Variants in PRKG1 observed in about 807,000 individuals in gnomAD.
PRKG1 encodes the protein cGMP-dependent protein kinase 1.
PRKG1 carries 35 observed loss-of-function variants against 88.1 expected under a neutral mutation model. The ratio of observed to expected loss-of-function variants is 0.40; its 90% CI spans 0.30 to 0.53. The LOEUF is 0.53. Ranked by LOEUF, PRKG1 falls within the 20% of genes least tolerant of loss-of-function variation. PRKG1 has a pLI of 0.59. For missense variants in PRKG1, 540 were observed against 839.8 expected (o/e 0.64, Z 4.41); for synonymous variants, 303 against 292.5 (o/e 1.04, Z -0.37).
intron 2 of PRKG1, among the ~76,000 whole-genome samples, chr10:51,296,848 C>T (rs1043447687): frequency 1.3e-5 from 2 of 152,034 alleles, no homozygotes; most frequent in Admixed American, 6.6e-5. Context: ...AACCTAGTTA[C>T]ATTGCCGCCT....
At chr10:51,979,108 G>T (rs1843926148) in intron 5 of PRKG1, among the ~76,000 whole-genome samples, 1 of 151,974 alleles carries the variant, frequency 6.6e-6, no homozygotes, top group African/African-American at 2.4e-5. Context: ...GTCATAGATG[G>T]CTCTTATTGT....
chr10:51,157,797 A>G (rs1179347438), intron 2 of PRKG1, among the ~76,000 whole-genome samples: 1 of 151,704 alleles, frequency 6.6e-6, no homozygotes, highest in Non-Finnish European at 1.5e-5. Flanking sequence ...TTTCGATGAA[A>G]TCATCAATTT....
At chr10:51,619,660 G>T (rs533714343) in intron 3 of PRKG1, among the ~76,000 whole-genome samples, 2 of 152,234 alleles carry the variant, frequency 1.3e-5, no homozygotes, top group East Asian at 3.9e-4. Flanking sequence ...TCCCAGACAG[G>T]ACAGCTAAAC....
chr10:51,034,949 T>C (rs932320875), intron 1 of PRKG1, among the ~76,000 whole-genome samples: 1 of 151,974 alleles, frequency 6.6e-6, no homozygotes, highest in Non-Finnish European at 1.5e-5. Flanking sequence ...CTGAGAACAT[T>C]AACCTTGCCC....
chr10:51,058,129 G>T (rs1843653467), intron 1 of PRKG1, among the ~76,000 whole-genome samples: 1 of 151,946 alleles, frequency 6.6e-6, no homozygotes, highest in South Asian at 2.1e-4. Context: ...ATGTTTCTTG[G>T]TTATTTGGAT....
intron 2 of PRKG1, among the ~76,000 whole-genome samples, chr10:51,383,984 C>T (rs1837185194): frequency 6.6e-6 from 1 of 151,948 alleles, no homozygotes; most frequent in Admixed American, 6.6e-5. Context: ...GGTAAGAGAG[C>T]AATGGCTTGT....
chr10:51,672,950 C>T (rs971289862), intron 3 of PRKG1, among the ~76,000 whole-genome samples: 2 of 152,116 alleles, frequency 1.3e-5, no homozygotes, highest in Admixed American at 6.5e-5. Context: ...ATGATTTGTT[C>T]AAGGATCTCA....
At chr10:51,655,560 G>A (rs577935316) in intron 3 of PRKG1, among the ~76,000 whole-genome samples, 1 of 151,830 alleles carries the variant, frequency 6.6e-6, no homozygotes, top group Admixed American at 6.6e-5. Context: ...TTCTACAGAC[G>A]ATAAAATTCT....
At chr10:51,329,916 T>G (rs1841687600) in intron 2 of PRKG1, among the ~76,000 whole-genome samples, 1 of 149,512 alleles carries the variant, frequency 6.7e-6, no homozygotes, top group Non-Finnish European at 1.5e-5. Flanking sequence ...GATTGTACTA[T>G]GTCTTAGGGA....
chr10:51,763,171 T>C (rs942010326), intron 3 of PRKG1, among the ~76,000 whole-genome samples: 4 of 152,186 alleles, frequency 2.6e-5, no homozygotes, highest in Admixed American at 2.0e-4. Flanking sequence ...AATAGAATCT[T>C]CTATATTGTC....
chr10:51,470,311 C>G (rs1840015805), intron 3 of PRKG1, among the ~76,000 whole-genome samples: 1 of 151,722 alleles, frequency 6.6e-6, no homozygotes, highest in African/African-American at 2.4e-5. Flanking sequence ...GAGTATTGAC[C>G]ATTTTGAGTA....
intron 9 of PRKG1, among the ~76,000 whole-genome samples, chr10:52,213,015 A>G (rs1589704425): frequency 6.6e-6 from 1 of 152,266 alleles, no homozygotes; most frequent in Admixed American, 6.5e-5. Flanking sequence ...CACTGCGTAC[A>G]TGAATGTTTA....
chr10:51,503,031 A>G (rs546167089), intron 3 of PRKG1, among the ~76,000 whole-genome samples: 1 of 152,110 alleles, frequency 6.6e-6, no homozygotes, highest in South Asian at 2.1e-4. Context: ...TTAAATTTTA[A>G]TCTCAATTTC....
intron 3 of PRKG1, among the ~76,000 whole-genome samples, chr10:51,566,780 G>T (rs1304247132): frequency 6.6e-6 from 1 of 151,984 alleles, no homozygotes; most frequent in Non-Finnish European, 1.5e-5. Flanking sequence ...CAAAGATATG[G>T]AAATGAGAAG....
chr10:51,656,075 A>T (rs1564592550), intron 3 of PRKG1, among the ~76,000 whole-genome samples: 1 of 152,162 alleles, frequency 6.6e-6, no homozygotes, highest in Non-Finnish European at 1.5e-5. Context: ...TTTGAGATGT[A>T]CAAGAAAAGA....
intron 3 of PRKG1, among the ~76,000 whole-genome samples, chr10:51,791,062 C>T (rs943237402): frequency 6.6e-6 from 1 of 152,100 alleles, no homozygotes; most frequent in Admixed American, 6.6e-5. Context: ...TAATTCTGTA[C>T]TTTACAAGTT....
At chr10:51,424,832 C>T (rs1480809431) in intron 2 of PRKG1, among the ~76,000 whole-genome samples, 1 of 152,084 alleles carries the variant, frequency 6.6e-6, no homozygotes, top group Admixed American at 6.6e-5. Flanking sequence ...AGAATTAATT[C>T]CCTCTTTTAA....
intron 7 of PRKG1, among the ~76,000 whole-genome samples, chr10:52,123,264 C>T (rs766502733): frequency 6.6e-6 from 1 of 152,072 alleles, no homozygotes; most frequent in Non-Finnish European, 1.5e-5. Flanking sequence ...GGATATAGAT[C>T]GAAGAGGATA....
intron 3 of PRKG1, among the ~76,000 whole-genome samples, chr10:51,682,146 T>C (rs1476929571): frequency 6.6e-6 from 1 of 152,204 alleles, no homozygotes; most frequent in Non-Finnish European, 1.5e-5. Flanking sequence ...TAAAACAGGA[T>C]TTCAGGAGCT....
Sources: allele counts gnomAD v4.1 joint callset (sites outside exome capture counted in the v4.1 genomes callset), GRCh38; gene constraint gnomAD v4.1.1; transcripts MANE v1.5; gene names NCBI Gene and HGNC (gene_info 2026-07-23, HGNC 2026-07-21).